CADPS: variants seen among roughly 807,000 people sequenced by gnomAD.
CADPS encodes the protein calcium dependent secretion activator.
Under a neutral mutation model 167.3 loss-of-function variants are expected in CADPS, and 57 were observed. The ratio of observed to expected loss-of-function variants is 0.34; its 90% CI spans 0.28 to 0.42. The LOEUF is 0.42. Among genes scored for constraint, CADPS ranks in the 20% least tolerant of loss-of-function variants. The pLI is 1.00. For missense variants in CADPS, 1,414 were observed against 1,738.1 expected (o/e 0.81, Z 3.32); for synonymous variants, 676 against 635.3 (o/e 1.06, Z -0.96).
chr3:62,654,929 A>G (rs954044089), intron 4 of CADPS, among the ~76,000 whole-genome samples: 4 of 152,098 alleles, frequency 2.6e-5, no homozygotes, highest in South Asian at 2.1e-4. Context: ...TTCTATCACA[A>G]CTTATCTTAG....
At chr3:62,847,112 A>G (rs2077585351) in intron 1 of CADPS, among the ~76,000 whole-genome samples, 1 of 152,162 alleles carries the variant, frequency 6.6e-6, no homozygotes, top group Admixed American at 6.5e-5. Context: ...GTAGCCTCCT[A>G]AGTCCTTTTG....
chr3:62,512,843 T>C lies in CADPS; in HGVS notation c.2582-75A>G, dbSNP rs76151802. ...CACATATGCAGAATTAATGAGCAAG[T>C]GGACCAAAATGCCCCCCACTTATGT... On this transcript the variant is annotated intron_variant, in intron 16 of 29. Coordinates refer to ENST00000383710, the MANE Select transcript of CADPS (RefSeq NM_003716.4). 140 of 1,256,324 alleles carry C rather than the reference T, an allele frequency of 1.1e-4. 1 individual carries two copies. In the East Asian group the frequency reaches 3.3e-3, roughly 30 times the overall value. 77.8% of individuals were successfully genotyped at this position (1,256,324 alleles called of 1,614,324 possible).
At chr3:62,431,549 C>A (rs1262816448) in intron 28 of CADPS, among the ~76,000 whole-genome samples, 1 of 146,946 alleles carries the variant, frequency 6.8e-6, no homozygotes, top group Non-Finnish European at 1.5e-5. Context: ...TTTTTTTTCT[C>A]AGCAAATCAG....
At chr3:62,625,486 C>T (rs2063901150) in intron 6 of CADPS, 1 of 150,848 alleles carries the variant, frequency 6.6e-6, no homozygotes, top group African/African-American at 2.5e-5. Flanking sequence ...CACACTGGTT[C>T]AGGAGCTCTC....
intron 3 of CADPS, among the ~76,000 whole-genome samples, chr3:62,725,201 T>C (rs116755123): frequency 3.9e-5 from 6 of 152,230 alleles, no homozygotes; most frequent in Admixed American, 2.0e-4. Context: ...ATGATGGGAA[T>C]AGTCCACACC....
At chr3:62,600,012 G>C (rs1380993958) in intron 6 of CADPS, among the ~76,000 whole-genome samples, 1 of 135,508 alleles carries the variant, frequency 7.4e-6, no homozygotes, top group African/African-American at 2.8e-5. Context: ...TATTTGCTTA[G>C]TAACTAGGAA....
chr3:62,556,702 A>C (rs1218940401), intron 10 of CADPS, among the ~76,000 whole-genome samples: 1 of 151,982 alleles, frequency 6.6e-6, no homozygotes, highest in Non-Finnish European at 1.5e-5. Flanking sequence ...GAAAAAGATA[A>C]AATGGGTGGG....
chr3:62,480,196 G>A lies in CADPS; in HGVS notation c.3173+1527C>T, dbSNP rs80308739. 4.9e-3 allele frequency among the ~76,000 whole-genome samples: 747 copies of A among 152,216 alleles called. 7 individuals carry two copies. Among genetic ancestry groups the A allele is most frequent in the African/African-American group, 0.017 (688 of 41,528 alleles). ...TTGATTGCTGAGCAGTTACCAAAAT[G>A]TGTTCCCACTCATGCCTTAATTAAT... On this transcript the variant is annotated intron_variant, in intron 22 of 29. Transcript: ENST00000383710.
chr3:62,863,046 A>G (rs541205132), intron 1 of CADPS, among the ~76,000 whole-genome samples: 1 of 152,354 alleles, frequency 6.6e-6, no homozygotes, highest in African/African-American at 2.4e-5. Flanking sequence ...AATAGTTATG[A>G]ACCAACAATC....
chr3:62,587,384 C>A (rs561793194), intron 7 of CADPS, among the ~76,000 whole-genome samples: 1 of 152,312 alleles, frequency 6.6e-6, no homozygotes, highest in Non-Finnish European at 1.5e-5. Flanking sequence ...CCTGTTCTTA[C>A]ACGTCACCCT....
At chr3:62,648,031 C>G (rs2068995478) in intron 5 of CADPS, among the ~76,000 whole-genome samples, 1 of 152,182 alleles carries the variant, frequency 6.6e-6, no homozygotes, top group African/African-American at 2.4e-5. Context: ...CCTGGTGGCC[C>G]CTCCAGCCAT....
intron 3 of CADPS, among the ~76,000 whole-genome samples, chr3:62,699,818 G>C (rs4688313): frequency 0.55 from 83,145 of 151,864 alleles, 24,319 homozygotes; most frequent in East Asian, 0.89. Context: ...ATTCACCCAC[G>C]TCGGCCTCCC....
chr3:62,732,530 T>C (rs914243255), intron 3 of CADPS, among the ~76,000 whole-genome samples: 1 of 152,156 alleles, frequency 6.6e-6, no homozygotes, highest in African/African-American at 2.4e-5. Context: ...CCCTCAAAAA[T>C]TGTAAGATAA....
rs117564840 is a variant in CADPS, at chr3:62,834,324, A to G, written c.441+40265T>C. Among the ~76,000 whole-genome samples the G allele has an allele frequency of 2.6e-3, 391 of 152,176 alleles. 3 individuals are homozygous for G. The East Asian group carries it at 0.04, about 16-fold the overall frequency. On this transcript the variant is annotated intron_variant, in intron 1 of 29. Coordinates refer to ENST00000383710, the MANE Select transcript of CADPS (RefSeq NM_003716.4). ...TGGCTTTCAACTGGCCCCATCTACC[A>G]TCCCTAGAATGACTGACCTTCATTT...
At chr3:62,571,642 G>A (rs1012683119) in intron 8 of CADPS, among the ~76,000 whole-genome samples, 3 of 151,232 alleles carry the variant, frequency 2.0e-5, no homozygotes, top group Non-Finnish European at 4.4e-5. Context: ...TCAGCTCACC[G>A]CAACCTCCTC....
At chr3:62,436,141 GCTGC>G (rs1210487318) in intron 28 of CADPS, among the ~76,000 whole-genome samples, 1 of 152,066 alleles carries the variant, frequency 6.6e-6, no homozygotes, top group African/African-American at 2.4e-5. Flanking sequence ...AATGTGCCTT[GCTGC>G]GTTCAGCAAG....
chr3:62,402,980 T>C (rs1318633209), intron 29 of CADPS, 101 bp downstream of exon 29: 6 of 660,238 alleles, frequency 9.1e-6, no homozygotes, highest in Non-Finnish European at 1.5e-5. Flanking sequence ...CTATTTTATA[T>C]GTAAACTAAT....
chr3:62,601,940 G>C lies in CADPS; in HGVS notation c.1326-9192C>G, dbSNP rs572322012. Among the ~76,000 whole-genome samples, 22 of 152,184 alleles carry C rather than the reference G, an allele frequency of 1.4e-4. No individual in the cohort carries two copies. The highest frequency in any genetic ancestry group is 5.1e-4 in the African/African-American group (21 of 41,510). ...TAAAACAACCTTGTTCTCTGTGTTT[G>C]GGGAGCATCTGCTTGATCACAGTCG... On this transcript the variant is annotated intron_variant, in intron 6 of 29. Coordinates refer to ENST00000383710, the MANE Select transcript of CADPS (RefSeq NM_003716.4). This position sits in a 1 kb window ranked among gnomAD's most constrained non-coding sequence, Gnocchi z 4.3.
rs2068477207 is a variant in CADPS at position 62,514,206 on chromosome 3, A to G, written c.2582-1438T>C. 6.6e-6 allele frequency among the ~76,000 whole-genome samples: 1 copy of G among 152,078 alleles called. No individual in the cohort carries two copies. ...GAGGGTAGGATCAGAGCCTTGTAAAAGAAAGTTGTCTGGTAGTAATATCTT... is the reference window on the plus strand; with the variant it reads ...GAGGGTAGGATCAGAGCCTTGTAAAGGAAAGTTGTCTGGTAGTAATATCTT... On this transcript the variant is annotated intron_variant, in intron 16 of 29. Transcript: ENST00000383710. The surrounding 1 kb of genome is among the most constrained non-coding windows in gnomAD (Gnocchi z 4.2).
Sources: allele counts gnomAD v4.1 joint callset (sites outside exome capture counted in the v4.1 genomes callset), GRCh38; gene constraint gnomAD v4.1.1; non-coding constraint Gnocchi (gnomAD v3.1); transcripts MANE v1.5; gene names NCBI Gene and HGNC (gene_info 2026-07-23, HGNC 2026-07-21).